TEX15: variants seen among roughly 807,000 people sequenced by gnomAD.
TEX15 encodes testis expressed 15, meiosis and synapsis associated, also known as testis-expressed protein 15.
Under a neutral mutation model 237.3 loss-of-function variants are expected in TEX15, and 171 were observed. The observed-to-expected ratio is 0.72, with a 90% CI of 0.64 to 0.82. TEX15 has a LOEUF of 0.82. TEX15 is among the 40% of genes least tolerant of loss of function. TEX15 has a pLI of 0.00. For synonymous variants in TEX15, 1,338 were observed against 1,269.8 expected (o/e 1.05, Z -1.14); for missense variants, 3,750 against 3,646.5 (o/e 1.03, Z -0.73).
intron 9 of TEX15, 93 bp from the exon 10 acceptor site, chr8:30,838,154 G>T: frequency 1.7e-6 from 2 of 1,147,054 alleles, no homozygotes; most frequent in East Asian, 2.7e-5. Context: ...TTATCCAGGG[G>T]AAGAGTTCTT....
intron 8 of TEX15, 21 bp from the exon 9 acceptor site, chr8:30,839,985 G>T (rs753467837): frequency 4.7e-6 from 7 of 1,496,132 alleles, no homozygotes; most frequent in Non-Finnish European, 6.4e-6. Context: ...AAGATACAAA[G>T]AAAATCTTCA....
rs1807569846 is a variant in TEX15 at position 30,845,178 on chromosome 8, A to G, written c.4989T>C (p.Asn1663=). The G allele has an allele frequency of 6.2e-7, 1 of 1,613,420 alleles. No homozygotes were observed. The highest frequency in any genetic ancestry group is 8.5e-7 in the Non-Finnish European group (1 of 1,179,542). The part of the protein sequence containing the change: ...VLDSNVKHFL[N]DLYQQGNLIL... ...TAAGGTTACCTTGTTGGTAGAGATC[A>G]TTTAAAAAGTGCTTCACATTTGAAT... The change falls in exon 8 of 11, where the codon AAT becomes AAC. Residue 1663 remains asparagine, a synonymous_variant. Coordinates refer to ENST00000643185, the MANE Select transcript of TEX15 (RefSeq NM_001350162.2).
At chr8:30,853,895 TG>T (rs1399006441) in intron 7 of TEX15, among the ~76,000 whole-genome samples, 1 of 151,834 alleles carries the variant, frequency 6.6e-6, no homozygotes, top group Admixed American at 6.6e-5. Context: ...AAACATGGTC[TG>T]AAAAAAACCA....
At chr8:30,875,733 G>A (rs555438112) in intron 3 of TEX15, among the ~76,000 whole-genome samples, 1 of 152,060 alleles carries the variant, frequency 6.6e-6, no homozygotes, top group African/African-American at 2.4e-5. Context: ...CACCAACATC[G>A]AGTCACAAAC....
Position 30,842,792 on chromosome 8 carries a change from T to C in TEX15, c.7375A>G (p.Lys2459Glu), listed in dbSNP as rs1171497442. 3 of 1,613,406 alleles carry C rather than the reference T, an allele frequency of 1.9e-6. No homozygotes were observed. The highest frequency in any genetic ancestry group is 2.5e-6 in the Non-Finnish European group (3 of 1,179,600). Residue 2459 changes from lysine (K) to glutamate (E), a missense_variant, in exon 8 of 11, where the codon AAA (lysine) becomes GAA (glutamate). By Grantham distance (56) the Lys-to-Glu change is moderately conservative. Transcript: ENST00000643185. The part of the protein sequence containing the change: ...VMVSETIHFL[K>E]NSIAKKLDKQ... The stretch of plus-strand genomic sequence containing the variant: ...TCTAGTTTCTTTGCTATTGAGTTTT[T>C]AAGAAAGTGAATTGTTTCTGAGACC...
At chr8:30,889,968 T>TACGTATATATATATATATAC (rs1808764439) in intron 2 of TEX15, among the ~76,000 whole-genome samples, 1 of 143,912 alleles carries the variant, frequency 6.9e-6, no homozygotes, top group African/African-American at 2.6e-5. Context: ...TATATATATA[T>TACGTATATATATATATATAC]GTATAAGTAA....
intron 7 of TEX15, among the ~76,000 whole-genome samples, chr8:30,856,843 C>T (rs913578542): frequency 1.3e-5 from 2 of 151,966 alleles, no homozygotes; most frequent in African/African-American, 4.8e-5. Flanking sequence ...ATAAAGAAGA[C>T]AATTTTCCAC....
chr8:30,902,564 A>G (rs1365473877), intron 1 of TEX15, among the ~76,000 whole-genome samples: 1 of 152,226 alleles, frequency 6.6e-6, no homozygotes, highest in African/African-American at 2.4e-5. Flanking sequence ...AATTCCTGGT[A>G]TACACATGCA....
rs1807559812 is a variant in TEX15, at chr8:30,844,937, T to C, written c.5230A>G (p.Thr1744Ala). The C allele has an allele frequency of 6.2e-7, 1 of 1,613,364 alleles. No homozygotes were observed. Among genetic ancestry groups the C allele is most frequent in the African/African-American group, 1.3e-5 (1 of 74,896 alleles). The change falls in exon 8 of 11, where the codon ACT (threonine) becomes GCT (alanine). Residue 1744 changes from threonine (T) to alanine (A), a missense_variant. Coordinates refer to ENST00000643185, the MANE Select transcript of TEX15 (RefSeq NM_001350162.2). ...CTGGATGCTGCAAAAGAATCTACAG[T>C]AAGAATTCTCTGCTTATCCAAGTAA... Reference protein sequence around the residue: ...KSYLDKQRILTVDSFAASSTV... With the variant: ...KSYLDKQRILAVDSFAASSTV...
chr8:30,876,863 G>T (rs1808409117), intron 3 of TEX15, among the ~76,000 whole-genome samples: 1 of 152,132 alleles, frequency 6.6e-6, no homozygotes, highest in South Asian at 2.1e-4. Context: ...GAAGGTAATT[G>T]AATCATGGGG....
chr8:30,844,156 A>C lies in TEX15; in HGVS notation c.6011T>G (p.Leu2004Trp). The change falls in exon 8 of 11, where the codon TTG becomes TGG. Residue 2004 changes from leucine to tryptophan, a missense_variant. By Grantham distance (61) the Leu-to-Trp change is moderately conservative. Coordinates refer to ENST00000643185, the MANE Select transcript of TEX15 (RefSeq NM_001350162.2). ...AGATGATGCTTCATCTGCCCTCTGC[A>C]AAATTTGAGATAGATTAGCTATAAG... ...TALIANLSQI[L>W]QRADEASSLQ... 1.9e-6 allele frequency: 3 copies of C among 1,613,124 alleles called. No individual in the cohort carries two copies. The highest frequency in any genetic ancestry group is 2.7e-5 in the African/African-American group (2 of 74,996).
Position 30,837,790 on chromosome 8 carries a change from T to C in TEX15, c.8494A>G (p.Ser2832Gly), listed in dbSNP as rs1585278046. 6.2e-7 allele frequency: 1 copy of C among 1,614,062 alleles called. No individual in the cohort carries two copies. The highest frequency in any genetic ancestry group is 1.3e-5 in the African/African-American group (1 of 74,924). The change falls in exon 10 of 11, where the codon AGT becomes GGT. Residue 2832 changes from serine to glycine, a missense_variant. Physicochemically the swap from Ser to Gly is moderately conservative, Grantham distance 56. Transcript: ENST00000643185. ...AAAGCAGCACAATCTTTCTTATCACTTTTTGTTTCAGCAGCACTGAAGTTC... is the reference window on the plus strand; with the variant it reads ...AAAGCAGCACAATCTTTCTTATCACCTTTTGTTTCAGCAGCACTGAAGTTC... ...NVNFSAAETK[S>G]DKKDCAAFAI...
rs1327523726 is a variant in TEX15, at chr8:30,849,007, T to C, written c.1160A>G (p.Asp387Gly). ...HDSDISLMPS[D>G]AKDSVNGDLL... Reference sequence around the variant, plus strand: ...GTCACCATTAACACTGTCTTTGGCATCACTGGGCATAAGTGAAATGTCTGA... The same window carrying C: ...GTCACCATTAACACTGTCTTTGGCACCACTGGGCATAAGTGAAATGTCTGA... The change falls in exon 8 of 11, where the codon GAT becomes GGT. Residue 387 changes from aspartate to glycine, a missense_variant. By Grantham distance (94) the Asp-to-Gly change is moderately conservative (BLOSUM62 -1). Transcript: ENST00000643185. 1 of 1,614,210 alleles carries C rather than the reference T, an allele frequency of 6.2e-7. No homozygotes were observed.
intron 4 of TEX15, among the ~76,000 whole-genome samples, chr8:30,869,070 T>A (rs1342387715): frequency 2.0e-5 from 3 of 151,724 alleles, no homozygotes; most frequent in Non-Finnish European, 1.5e-5. Context: ...TCTTCAGAAC[T>A]ATATTTGAAA....
chr8:30,846,750 A>T lies in TEX15; in HGVS notation c.3417T>A (p.Ser1139=). The T allele has an allele frequency of 6.2e-7, 1 of 1,613,876 alleles. No homozygotes were observed. ...TAAGTTCTGTTTCATTGTTTTGTGT[A>T]GAGGAATAAAAATAGTTACTTTCCT... The part of the protein sequence containing the change: ...YSKESNYFYS[S]TQNNETELTS... Residue 1139 remains serine, a synonymous_variant, in exon 8 of 11, where the codon TCT becomes TCA. Coordinates refer to ENST00000643185, the MANE Select transcript of TEX15 (RefSeq NM_001350162.2).
At chr8:30,896,912 C>G (rs976328816) in intron 2 of TEX15, among the ~76,000 whole-genome samples, 1 of 152,102 alleles carries the variant, frequency 6.6e-6, no homozygotes, top group Non-Finnish European at 1.5e-5. Context: ...GCAAAAAAGT[C>G]TAGAACTGAT....
rs201130915 is a variant in TEX15 at position 30,862,756 on chromosome 8, C to CT, written c.541-2700dup. Among the ~76,000 whole-genome samples, 39 of 151,554 alleles carry CT rather than the reference C, an allele frequency of 2.6e-4. 1 individual carries two copies. Among genetic ancestry groups the CT allele is most frequent in the African/African-American group, 9.0e-4 (37 of 41,310 alleles). On this transcript the variant is annotated intron_variant, in intron 5 of 10. Coordinates refer to ENST00000643185, the MANE Select transcript of TEX15 (RefSeq NM_001350162.2). ...CTGGCAAAGCTTAACCAGAGTAAAT[C>CT]TTTTTTTTTCTTTTCTTCCCCACTT...
At chr8:30,907,074 A>G (rs1049744086) in intron 1 of TEX15, among the ~76,000 whole-genome samples, 2 of 152,224 alleles carry the variant, frequency 1.3e-5, no homozygotes, top group African/African-American at 2.4e-5. Flanking sequence ...AAGAGTTTAT[A>G]GACTTTCCTA....
chr8:30,883,723 C>G (rs1373128611), intron 3 of TEX15, among the ~76,000 whole-genome samples: 1 of 152,102 alleles, frequency 6.6e-6, no homozygotes, highest in Non-Finnish European at 1.5e-5. Context: ...GTATATATAC[C>G]ACATTTTCTT....
Sources: allele counts gnomAD v4.1 joint callset (sites outside exome capture counted in the v4.1 genomes callset), GRCh38; gene constraint gnomAD v4.1.1; transcripts MANE v1.5; gene names NCBI Gene and HGNC (gene_info 2026-07-23, HGNC 2026-07-21).